The following LRP1B variants were observed in gnomAD, a reference collection of about 807,000 sequenced individuals.
LRP1B encodes low-density lipoprotein receptor-related protein 1B.
Under a neutral mutation model 556.6 loss-of-function variants are expected in LRP1B, and 217 were observed. The observed-to-expected ratio is 0.39, with a 90% confidence interval of 0.35 to 0.44. LRP1B has a LOEUF of 0.44. LRP1B is among the 20% of genes least tolerant of loss of function. LRP1B has a pLI of 1.00. For missense variants in LRP1B, 5,053 were observed against 5,620.8 expected (o/e 0.90, Z 3.23); for synonymous variants, 2,047 against 1,865.8 (o/e 1.10, Z -2.50).
chr2:141,784,914 G>A (rs1318123715), intron 2 of LRP1B, among the ~76,000 whole-genome samples: 1 of 151,802 alleles, frequency 6.6e-6, no homozygotes, highest in Non-Finnish European at 1.5e-5. Flanking sequence ...TCCTACATAT[G>A]AATTTGGAGA....
chr2:140,766,879 TATG>T (rs1406553615), intron 35 of LRP1B, among the ~76,000 whole-genome samples: 2 of 138,472 alleles, frequency 1.4e-5, no homozygotes, highest in African/African-American at 5.5e-5. Context: ...ATATATAACA[TATG>T]ATAATTTCTA....
chr2:141,945,522 T>C (rs1187942791), intron 1 of LRP1B, among the ~76,000 whole-genome samples: 1 of 143,078 alleles, frequency 7.0e-6, no homozygotes, highest in Non-Finnish European at 1.5e-5. Context: ...GTTTATATTG[T>C]ATATGTATGT....
At chr2:140,432,875 T>G (rs931485237) in intron 66 of LRP1B, among the ~76,000 whole-genome samples, 1 of 152,202 alleles carries the variant, frequency 6.6e-6, no homozygotes, top group South Asian at 2.1e-4. Context: ...TCCTGACTCT[T>G]TTTTGTAGTT....
chr2:140,601,052 A>T, intron 42 of LRP1B, among the ~76,000 whole-genome samples: 2 of 149,360 alleles, frequency 1.3e-5, no homozygotes. Context: ...AATTTGGGAG[A>T]TCTCCAGATG....
chr2:140,678,391 G>A (rs938356673), intron 41 of LRP1B, among the ~76,000 whole-genome samples: 2 of 152,120 alleles, frequency 1.3e-5, no homozygotes, highest in Non-Finnish European at 2.9e-5. Flanking sequence ...AAAGATTCAT[G>A]TTCTTAAATT....
chr2:141,846,957 C>T (rs1039308218), intron 1 of LRP1B, among the ~76,000 whole-genome samples: 3 of 151,322 alleles, frequency 2.0e-5, no homozygotes, highest in Non-Finnish European at 4.4e-5. Flanking sequence ...ATCAATGTTC[C>T]TATGCTACTC....
rs1279399510 is a variant in LRP1B, at chr2:140,457,494, G to C, written c.9783C>G (p.Ile3261Met). 3 of 1,613,432 alleles carry C rather than the reference G, an allele frequency of 1.9e-6. No homozygotes were observed. In the Admixed American group the frequency reaches 5.0e-5, roughly 27 times the overall value. Residue 3261 changes from isoleucine to methionine, a missense_variant, in exon 61 of 91, where the codon ATC becomes ATG. Coordinates refer to ENST00000389484, the MANE Select transcript of LRP1B (RefSeq NM_018557.3). ...GTTGTCTATAAGAATGATACACCTG[G>C]ATATCTGTGATGGCATGCCATGAGT... is the stretch of plus-strand genomic sequence containing the variant. ...LIYSWHAITD[I>M]QVYHSYRQPD...
chr2:140,985,241 C>A (rs1309120148), intron 17 of LRP1B, among the ~76,000 whole-genome samples: 1 of 145,840 alleles, frequency 6.9e-6, no homozygotes, highest in Non-Finnish European at 1.5e-5. Flanking sequence ...CTAAACTTCA[C>A]TTTTCCTGTA....
At chr2:140,484,291 A>G (rs749521132) in intron 59 of LRP1B, among the ~76,000 whole-genome samples, 3 of 152,192 alleles carry the variant, frequency 2.0e-5, no homozygotes, top group Non-Finnish European at 2.9e-5. Context: ...GTTAAGCTAT[A>G]AAATATACTA....
intron 7 of LRP1B, among the ~76,000 whole-genome samples, chr2:141,178,542 A>G (rs1323260869): frequency 6.6e-6 from 1 of 152,142 alleles, no homozygotes; most frequent in Non-Finnish European, 1.5e-5. Flanking sequence ...GAGATCCTGT[A>G]TTTTGACCTA....
intron 2 of LRP1B, among the ~76,000 whole-genome samples, chr2:141,806,915 A>G (rs1442587180): frequency 6.6e-6 from 1 of 152,132 alleles, no homozygotes; most frequent in East Asian, 1.9e-4. Context: ...TTTAAAGCTA[A>G]GTGGATTTCA....
chr2:141,008,180 C>A (rs1697634577), intron 14 of LRP1B, among the ~76,000 whole-genome samples: 1 of 151,082 alleles, frequency 6.6e-6, no homozygotes, highest in South Asian at 2.1e-4. Context: ...ACCTATATAT[C>A]AATTAAAAGG....
intron 40 of LRP1B, among the ~76,000 whole-genome samples, chr2:140,701,123 C>CCAGTCTAATTCTCCTTCAG (rs1230665707): frequency 6.6e-6 from 1 of 152,098 alleles, no homozygotes; most frequent in Non-Finnish European, 1.5e-5. Context: ...AATTTCTTCA[C>CCAGTCTAATTCTCCTTCAG]CAGTCTAATT....
At chr2:141,979,811 G>A (rs1701992363) in intron 1 of LRP1B, among the ~76,000 whole-genome samples, 1 of 152,050 alleles carries the variant, frequency 6.6e-6, no homozygotes, top group Non-Finnish European at 1.5e-5. Flanking sequence ...CAAATTGGAT[G>A]AGGAAAAACT....
chr2:140,653,118 C>G lies in LRP1B; in HGVS notation c.6799+47132G>C, dbSNP rs1684748470. On this transcript the variant is annotated intron_variant, in intron 41 of 90. Transcript: ENST00000389484. The stretch of plus-strand genomic sequence containing the variant: ...GTAGGAAACATTTAACATTATAAAA[C>G]AAACATAGGATGCTATATGGAATAT... Among the ~76,000 whole-genome samples, 3 of 152,086 alleles carry G rather than the reference C, an allele frequency of 2.0e-5. No homozygotes were observed. The South Asian group carries it at 6.2e-4, about 32-fold the overall frequency.
chr2:141,876,080 C>T, intron 1 of LRP1B, among the ~76,000 whole-genome samples: 1 of 151,800 alleles, frequency 6.6e-6, no homozygotes, highest in East Asian at 1.9e-4. Context: ...TAAAATAAGT[C>T]TTAAAAAATT....
chr2:140,876,298 A>C (rs1693303114), intron 25 of LRP1B, among the ~76,000 whole-genome samples: 1 of 151,930 alleles, frequency 6.6e-6, no homozygotes, highest in African/African-American at 2.4e-5. Context: ...CTTGGTATAT[A>C]CTCCTATGAA....
intron 16 of LRP1B, among the ~76,000 whole-genome samples, chr2:140,992,274 G>A (rs1697115815): frequency 1.3e-5 from 2 of 152,042 alleles, no homozygotes; most frequent in Non-Finnish European, 2.9e-5. Context: ...CTTGGGTGAT[G>A]GATTGAAGAG....
chr2:141,092,879 T>C (rs1479874020), intron 7 of LRP1B, among the ~76,000 whole-genome samples: 4 of 152,176 alleles, frequency 2.6e-5, no homozygotes, highest in African/African-American at 9.6e-5. Flanking sequence ...AGTAGTTGCA[T>C]TGGAGAATCA....
Sources: allele counts gnomAD v4.1 joint callset (sites outside exome capture counted in the v4.1 genomes callset), GRCh38; gene constraint gnomAD v4.1.1; transcripts MANE v1.5; gene names NCBI Gene and HGNC (gene_info 2026-07-23, HGNC 2026-07-21).